The following ENOX2 variants were observed in gnomAD, a reference collection of about 807,000 sequenced individuals.
The protein encoded by ENOX2 is APK1 antigen.
In ENOX2, 36 loss-of-function variants were observed where a neutral mutation model predicts 45.0. The ratio of observed to expected loss-of-function variants is 0.80; its 90% CI spans 0.61 to 1.06. The LOEUF is 1.06. Ranked by LOEUF, ENOX2 falls within the 50% of genes least tolerant of loss-of-function variation. The pLI, the probability that ENOX2 is intolerant of heterozygous loss-of-function variation, is 0.00. For missense variants in ENOX2, 423 were observed against 462.5 expected (o/e 0.91, Z 0.78); for synonymous variants, 174 against 152.3 (o/e 1.14, Z -1.05).
At chrX:130,703,893 G>C (rs776790499) in intron 3 of ENOX2, among the ~76,000 whole-genome samples, 27 of 111,117 alleles carry the variant, frequency 2.4e-4, no homozygotes, top group African/African-American at 7.2e-4. Flanking sequence ...GACTGATGAT[G>C]ATGGTGATAA....
intron 3 of ENOX2, among the ~76,000 whole-genome samples, chrX:130,746,709 T>C (rs1449628721): frequency 1.8e-5 from 2 of 111,882 alleles, no homozygotes; most frequent in Admixed American, 9.5e-5. Context: ...CATTTCCAAC[T>C]AGCTGATGAA....
chrX:130,840,910 C>T (rs1298115475), intron 2 of ENOX2, among the ~76,000 whole-genome samples: 1 of 111,711 alleles, frequency 9.0e-6, no homozygotes, highest in Non-Finnish European at 1.9e-5. Context: ...ATGAGACCTA[C>T]AGATACACAG....
At chrX:130,726,213 G>A (rs992924157) in intron 3 of ENOX2, among the ~76,000 whole-genome samples, 2 of 111,811 alleles carry the variant, frequency 1.8e-5, no homozygotes, top group African/African-American at 6.5e-5. Flanking sequence ...AACATCCCAG[G>A]AACAACTCCT....
chrX:130,862,174 T>C (rs758082022), intron 2 of ENOX2, among the ~76,000 whole-genome samples: 20 of 111,618 alleles, frequency 1.8e-4, no homozygotes, highest in African/African-American at 6.2e-4. Flanking sequence ...TCCCTCCCTC[T>C]GTTATACTCT....
chrX:130,719,091 T>C (rs1347780489), intron 3 of ENOX2, among the ~76,000 whole-genome samples: 1 of 111,837 alleles, frequency 8.9e-6, no homozygotes, highest in Admixed American at 9.5e-5. Context: ...TTCCATTCTG[T>C]TTTTTAAAGG....
At chrX:130,801,883 T>C (rs1234407997) in intron 2 of ENOX2, among the ~76,000 whole-genome samples, 1 of 112,017 alleles carries the variant, frequency 8.9e-6, no homozygotes. Flanking sequence ...ACGGAATGTC[T>C]ACTTTGAGGC....
intron 6 of ENOX2, among the ~76,000 whole-genome samples, chrX:130,671,175 A>G (rs2036980009): frequency 8.9e-6 from 1 of 112,082 alleles, no homozygotes; most frequent in Non-Finnish European, 1.9e-5. Context: ...GCCTCTCAAG[A>G]ATAATACCCA....
Position 130,652,588 on chromosome X carries a change from C to T in ENOX2, c.1129+3993G>A, listed in dbSNP as rs1394498997. The stretch of plus-strand genomic sequence containing the variant: ...CATCAGTCCATTTCTGTCAGTTCTA[C>T]TGTTATGGTTTGAATTGTGTCCTCT... On this transcript the variant is annotated intron_variant, in intron 10 of 14. Transcript: ENST00000394363. Among the ~76,000 whole-genome samples, 5 of 112,235 alleles carry T rather than the reference C, an allele frequency of 4.5e-5. No individual in the cohort carries two copies. The East Asian group carries it at 1.4e-3, about 31-fold the overall frequency.
At chrX:130,751,178 T>C (rs1275571054) in intron 3 of ENOX2, among the ~76,000 whole-genome samples, 1 of 111,793 alleles carries the variant, frequency 8.9e-6, no homozygotes, top group African/African-American at 3.3e-5. Flanking sequence ...GAAAAGCCTG[T>C]ACTCATTAAA....
chrX:130,639,513 C>A (rs2036023632), intron 10 of ENOX2, among the ~76,000 whole-genome samples: 1 of 112,251 alleles, frequency 8.9e-6, no homozygotes, highest in South Asian at 3.7e-4. Flanking sequence ...TCACCTAGTA[C>A]ATCATGTCCA....
chrX:130,832,192 GAC>G (rs1349953971), intron 2 of ENOX2, among the ~76,000 whole-genome samples: 2 of 110,885 alleles, frequency 1.8e-5, no homozygotes, highest in African/African-American at 6.6e-5. Context: ...CAGAAAGAGA[GAC>G]ACATTTTACT....
chrX:130,811,154 A>G (rs2077383599), intron 2 of ENOX2, among the ~76,000 whole-genome samples: 1 of 111,017 alleles, frequency 9.0e-6, no homozygotes, highest in Non-Finnish European at 1.9e-5. Context: ...CGCAGGTACT[A>G]GGCTCACCAC....
At chrX:130,721,147 CAG>C (rs1301834688) in intron 3 of ENOX2, among the ~76,000 whole-genome samples, 4 of 111,231 alleles carry the variant, frequency 3.6e-5, no homozygotes, top group African/African-American at 1.3e-4. Context: ...ACTCCACCGA[CAG>C]GGCCTGCTTC....
At chrX:130,882,975 C>A (rs1333904419) in intron 2 of ENOX2, among the ~76,000 whole-genome samples, 1 of 112,252 alleles carries the variant, frequency 8.9e-6, no homozygotes, top group Non-Finnish European at 1.9e-5. Context: ...GTTTTTCTAA[C>A]CTGAAAATGG....
At chrX:130,673,229 C>A (rs2037036798) in intron 6 of ENOX2, among the ~76,000 whole-genome samples, 1 of 110,644 alleles carries the variant, frequency 9.0e-6, no homozygotes, top group Non-Finnish European at 1.9e-5. Flanking sequence ...AAATTAGATT[C>A]AAAAATAAGA....
At chrX:130,783,726 A>G (rs1285234102) in intron 2 of ENOX2, 36 bp from the exon 3 acceptor site, 3 of 263,057 alleles carry the variant, frequency 1.1e-5, no homozygotes, top group African/African-American at 5.8e-5. Flanking sequence ...TCCAGACTCC[A>G]TTAAGGACTG....
chrX:130,698,841 T>C (rs2037828752), intron 4 of ENOX2, among the ~76,000 whole-genome samples: 1 of 111,829 alleles, frequency 8.9e-6, no homozygotes, highest in Non-Finnish European at 1.9e-5. Context: ...TTTTCCAATA[T>C]CTTTCATTAT....
intron 2 of ENOX2, among the ~76,000 whole-genome samples, chrX:130,842,212 T>TA (rs1368225902): frequency 8.9e-6 from 1 of 112,648 alleles, no homozygotes; most frequent in Non-Finnish European, 1.9e-5. Context: ...TCTGGGTAGA[T>TA]AGACACTTTA....
intron 3 of ENOX2, among the ~76,000 whole-genome samples, chrX:130,705,003 C>T (rs1173026058): frequency 8.9e-6 from 1 of 112,351 alleles, no homozygotes; most frequent in Non-Finnish European, 1.9e-5. Flanking sequence ...GCTGAATATC[C>T]TTTGGGTTGA....
Sources: gnomAD v4.1 joint callset for allele counts (sites outside exome capture counted in the v4.1 genomes callset) on GRCh38, gnomAD v4.1.1 for gene constraint, MANE v1.5 for transcripts, NCBI Gene and HGNC (gene_info 2026-07-23, HGNC 2026-07-21) for gene names.